The following ICA1L variants were observed in gnomAD, a reference collection of about 807,000 sequenced individuals.
The protein encoded by ICA1L is islet cell autoantigen 1-like protein.
Under a neutral mutation model 61.3 loss-of-function variants are expected in ICA1L, and 50 were observed. The ratio of observed to expected loss-of-function variants is 0.82; its 90% CI spans 0.65 to 1.03. ICA1L has a LOEUF of 1.03. ICA1L is among the 50% of genes least tolerant of loss of function. The pLI, the probability that ICA1L is intolerant of heterozygous loss-of-function variation, is 0.00. For synonymous variants in ICA1L, 161 were observed against 191.3 expected, an observed-to-expected ratio of 0.84 and a Z score of 1.31; for missense variants, 508 against 556.7, an observed-to-expected ratio of 0.91 and a Z score of 0.88.
At chr2:202,864,891 T>C (rs1006518042) in intron 1 of ICA1L, among the ~76,000 whole-genome samples, 1 of 151,938 alleles carries the variant, frequency 6.6e-6, no homozygotes, top group Non-Finnish European at 1.5e-5. Flanking sequence ...TGGCTGGGCA[T>C]GGAGGCTCAT....
chr2:202,843,406 C>A (rs549965127), intron 1 of ICA1L, among the ~76,000 whole-genome samples: 1 of 152,132 alleles, frequency 6.6e-6, no homozygotes, highest in African/African-American at 2.4e-5. Context: ...TAGCAACCAA[C>A]GTTCTGAGTT....
intron 12 of ICA1L, among the ~76,000 whole-genome samples, chr2:202,783,588 T>G (rs1042961463): frequency 2.0e-5 from 3 of 152,176 alleles, no homozygotes; most frequent in African/African-American, 7.2e-5. Flanking sequence ...ACACAAAGAT[T>G]GAGGAACTGT....
At chr2:202,833,910 G>A (rs1276664546) in intron 1 of ICA1L, among the ~76,000 whole-genome samples, 3 of 152,162 alleles carry the variant, frequency 2.0e-5, no homozygotes, top group Non-Finnish European at 2.9e-5. Context: ...AGTTACCAGA[G>A]GCTGGGGGGA....
At chr2:202,871,102 A>C (rs1278232088) in intron 1 of ICA1L, 1 of 152,138 alleles carries the variant, frequency 6.6e-6, no homozygotes, top group Non-Finnish European at 1.5e-5. Flanking sequence ...ATCGGTTGCC[A>C]ATTAGTTTCT....
intron 3 of ICA1L, among the ~76,000 whole-genome samples, chr2:202,822,170 A>G (rs989265219): frequency 6.6e-6 from 1 of 152,106 alleles, no homozygotes; most frequent in African/African-American, 2.4e-5. Flanking sequence ...TCTAAAAGTT[A>G]TTTTTTTAAA....
intron 9 of ICA1L, among the ~76,000 whole-genome samples, chr2:202,797,219 C>G (rs968981190): frequency 2.6e-5 from 4 of 151,402 alleles, no homozygotes; most frequent in Non-Finnish European, 4.4e-5. Flanking sequence ...TATTAAGTCT[C>G]TGTCCCCTTG....
At chr2:202,808,149 G>T (rs1406840056) in intron 9 of ICA1L, among the ~76,000 whole-genome samples, 3 of 152,170 alleles carry the variant, frequency 2.0e-5, no homozygotes, top group Non-Finnish European at 4.4e-5. Context: ...GCCACAGTGG[G>T]GTAGAGAACC....
intron 1 of ICA1L, among the ~76,000 whole-genome samples, chr2:202,852,644 C>G (rs1694659482): frequency 7.0e-6 from 1 of 141,996 alleles, no homozygotes; most frequent in South Asian, 2.3e-4. Context: ...TGCACTCCAG[C>G]CTGGGTGACA....
chr2:202,862,662 C>T (rs1054573906), intron 1 of ICA1L, among the ~76,000 whole-genome samples: 3 of 151,280 alleles, frequency 2.0e-5, no homozygotes, highest in African/African-American at 7.3e-5. Flanking sequence ...CATGGTGAAA[C>T]CCCGTCTCTA....
intron 3 of ICA1L, among the ~76,000 whole-genome samples, chr2:202,822,878 C>T (rs537964508): frequency 6.6e-5 from 10 of 152,132 alleles, no homozygotes; most frequent in Non-Finnish European, 1.5e-4. Flanking sequence ...AGTCTGTAGT[C>T]TCATCTCTAA....
intron 6 of ICA1L, 25 bp from the exon 7 acceptor site, chr2:202,816,034 T>G: frequency 1.4e-6 from 2 of 1,433,696 alleles, no homozygotes; most frequent in Non-Finnish European, 1.9e-6. Flanking sequence ...AAGGTGACAC[T>G]ACAGTTCTGC....
chr2:202,817,584 T>A, intron 5 of ICA1L, 41 bp from the exon 6 acceptor site: 1 of 1,175,018 alleles, frequency 8.5e-7, no homozygotes, highest in Non-Finnish European at 1.2e-6. Context: ...ATATATACTA[T>A]AAATATAGTA....
At chr2:202,787,824 AT>A (rs1692633384) in intron 11 of ICA1L, among the ~76,000 whole-genome samples, 1 of 152,262 alleles carries the variant, frequency 6.6e-6, no homozygotes, top group South Asian at 2.1e-4. Context: ...ATGAAAATAG[AT>A]AAAGCAAAGC....
chr2:202,854,530 G>A (rs1246715045), intron 1 of ICA1L, among the ~76,000 whole-genome samples: 1 of 152,036 alleles, frequency 6.6e-6, no homozygotes, highest in African/African-American at 2.4e-5. Context: ...CTCAGCTCTG[G>A]ACCAAGCGGA....
At position 202,816,915 on chromosome 2, in the gene ICA1L, G is replaced by T. The variant is rs1305522301; in HGVS notation, c.684+503C>A. ...TCTGAGGTTAAAGTGGTATGGGATG[G>T]CAACTTGACAGAATGAAAAGAACAT... On this transcript the variant is annotated intron_variant, in intron 6 of 12. Coordinates refer to ENST00000358299, the MANE Select transcript of ICA1L (RefSeq NM_001288622.3). 2.0e-5 allele frequency among the ~76,000 whole-genome samples: 3 copies of T among 152,172 alleles called. No homozygotes were observed. The East Asian group carries it at 5.8e-4, about 29-fold the overall frequency.
chr2:202,845,804 A>G (rs1395047030), intron 1 of ICA1L, among the ~76,000 whole-genome samples: 2 of 152,240 alleles, frequency 1.3e-5, no homozygotes, highest in Non-Finnish European at 2.9e-5. Flanking sequence ...CTGAAAAGCA[A>G]GTGGAACTGA....
rs929249478 is a variant in ICA1L, at chr2:202,849,768, G to T, written c.-7-20752C>A. 1.3e-5 allele frequency among the ~76,000 whole-genome samples: 2 copies of T among 152,202 alleles called. No homozygotes were observed. The highest frequency in any genetic ancestry group is 4.8e-5 in the African/African-American group (2 of 41,452). On this transcript the variant is annotated intron_variant, in intron 1 of 12. Coordinates refer to ENST00000358299, the MANE Select transcript of ICA1L (RefSeq NM_001288622.3). This position sits in a 1 kb window ranked among gnomAD's most constrained non-coding sequence, Gnocchi z 4.5. ...GAGAGCATCTGATCCTGACAAGGAG[G>T]ATTCTCCCAGCACAGCAATTGAGCT...
chr2:202,794,072 TGCA>T, intron 10 of ICA1L, among the ~76,000 whole-genome samples: 1 of 151,302 alleles, frequency 6.6e-6, no homozygotes, highest in East Asian at 1.9e-4. Context: ...ACAACTGGAA[TGCA>T]AACATGATAT....
intron 1 of ICA1L, among the ~76,000 whole-genome samples, chr2:202,833,891 T>C (rs975544233): frequency 6.6e-6 from 1 of 151,758 alleles, no homozygotes; most frequent in African/African-American, 2.4e-5. Flanking sequence ...ACGTAGAGAG[T>C]AGAATGGTAG....
Sources: allele counts gnomAD v4.1 joint callset (sites outside exome capture counted in the v4.1 genomes callset), GRCh38; gene constraint gnomAD v4.1.1; non-coding constraint Gnocchi (gnomAD v3.1); transcripts MANE v1.5; gene names NCBI Gene and HGNC (gene_info 2026-07-23, HGNC 2026-07-21).